Variants in FRMD4B observed in about 807,000 individuals in gnomAD.
FRMD4B encodes the protein FERM domain containing 4B.
Under a neutral mutation model 141.5 loss-of-function variants are expected in FRMD4B, and 74 were observed. The observed-to-expected ratio is 0.52, with a 90% CI of 0.43 to 0.63. The LOEUF (loss-of-function observed/expected upper bound fraction) is 0.63. Ranked by LOEUF, FRMD4B falls within the 30% of genes least tolerant of loss-of-function variation. The probability of loss-of-function intolerance (pLI) is 0.00; values close to 1 mark genes in which losing one functional copy is unlikely to be tolerated. For synonymous variants in FRMD4B, 506 were observed against 467.9 expected (o/e 1.08, Z -1.05); for missense variants, 1,366 against 1,253.4 (o/e 1.09, Z -1.36).
intron 1 of FRMD4B, among the ~76,000 whole-genome samples, chr3:69,479,636 A>AT (rs1349377865): frequency 6.6e-6 from 1 of 152,074 alleles, no homozygotes; most frequent in Non-Finnish European, 1.5e-5. Flanking sequence ...GGCTGCCCTT[A>AT]ACATTTTTTC....
At chr3:69,516,543 C>A (rs886981670) in intron 1 of FRMD4B, among the ~76,000 whole-genome samples, 1 of 152,202 alleles carries the variant, frequency 6.6e-6, no homozygotes, top group Non-Finnish European at 1.5e-5. Flanking sequence ...GGAACTTCCA[C>A]AAGGAATGCA....
At chr3:69,222,425 C>A (rs1373094494) in intron 8 of FRMD4B, among the ~76,000 whole-genome samples, 2 of 145,632 alleles carry the variant, frequency 1.4e-5, no homozygotes, top group African/African-American at 5.1e-5. Context: ...CGAGATTGAG[C>A]CATTGCACTC....
chr3:69,251,064 CATATT>C, intron 5 of FRMD4B, among the ~76,000 whole-genome samples: 1 of 152,086 alleles, frequency 6.6e-6, no homozygotes, highest in Non-Finnish European at 1.5e-5. Context: ...ATTACTAAAC[CATATT>C]ATAACAATGA....
intron 1 of FRMD4B, among the ~76,000 whole-genome samples, chr3:69,528,007 A>G (rs1052580222): frequency 6.6e-6 from 1 of 152,178 alleles, no homozygotes; most frequent in African/African-American, 2.4e-5. Context: ...GAAGAAAGCA[A>G]TTTGCATAAA....
intron 1 of FRMD4B, among the ~76,000 whole-genome samples, chr3:69,477,145 T>A (rs1409381214): frequency 2.0e-5 from 3 of 152,218 alleles, no homozygotes; most frequent in Non-Finnish European, 4.4e-5. Flanking sequence ...TCATGTCATC[T>A]GCAAACAGGG....
intron 1 of FRMD4B, among the ~76,000 whole-genome samples, chr3:69,323,565 A>C (rs1197502993): frequency 6.8e-6 from 1 of 147,644 alleles, no homozygotes; most frequent in East Asian, 2.0e-4. Context: ...ACTCTGTCTC[A>C]AAAAAACAAA....
chr3:69,348,946 T>C (rs1352362102), intron 1 of FRMD4B, among the ~76,000 whole-genome samples: 1 of 152,124 alleles, frequency 6.6e-6, no homozygotes, highest in Non-Finnish European at 1.5e-5. Flanking sequence ...CCACTCCTAT[T>C]CAACATAGTG....
At chr3:69,418,975 G>A (rs1704923567) in intron 2 of FRMD4B, among the ~76,000 whole-genome samples, 1 of 152,116 alleles carries the variant, frequency 6.6e-6, no homozygotes, top group African/African-American at 2.4e-5. Context: ...CAAGATATAA[G>A]GTAGAGAATG....
Position 69,453,613 on chromosome 3 carries a change from A to T in FRMD4B, c.-128-20852T>A, listed in dbSNP as rs1188723223. ...AGTTACAAGTTTAAAAAATCCCAGG[A>T]ATATTCCCAGTAGAAAACCAATCTC... On this transcript the variant is annotated intron_variant, in intron 1 of 5. Transcript: ENST00000459638. Among the ~76,000 whole-genome samples, 3 of 152,298 alleles carry T rather than the reference A, an allele frequency of 2.0e-5. No individual in the cohort carries two copies. In the East Asian group the frequency reaches 5.8e-4, roughly 29 times the overall value.
At position 69,456,412 on chromosome 3, in the gene FRMD4B, A is replaced by C. The variant is rs909780661; in HGVS notation, c.-128-23651T>G. ...CCTAAGGAAAAAATGATGGTTTTTC[A>C]TAAAGCCTTAGTCCCAAAAATGTTT... is the stretch of plus-strand genomic sequence containing the variant. On this transcript the variant is annotated intron_variant, in intron 1 of 5. Coordinates refer to the FRMD4B transcript ENST00000459638. Among the ~76,000 whole-genome samples, 13 of 152,228 alleles carry C rather than the reference A, an allele frequency of 8.5e-5. 1 individual carries two copies. Among genetic ancestry groups the C allele is most frequent in the African/African-American group, 3.1e-4 (13 of 41,466 alleles).
intron 5 of FRMD4B, among the ~76,000 whole-genome samples, chr3:69,260,441 C>G (rs986812692): frequency 6.6e-6 from 1 of 152,226 alleles, no homozygotes; most frequent in Non-Finnish European, 1.5e-5. Context: ...GAGGGTGCAC[C>G]GGGTCCCCCA....
chr3:69,239,457 A>C (rs979643117), intron 7 of FRMD4B, among the ~76,000 whole-genome samples: 3 of 152,172 alleles, frequency 2.0e-5, no homozygotes, highest in African/African-American at 7.2e-5. Context: ...AATGTGATGA[A>C]AGATTTTTCT....
intron 7 of FRMD4B, among the ~76,000 whole-genome samples, chr3:69,232,186 C>G (rs6802558): frequency 0.66 from 100,165 of 152,000 alleles, 34,177 homozygotes; most frequent in South Asian, 0.84. Flanking sequence ...CTAATGGCAA[C>G]GGATATGTTA....
chr3:69,280,747 A>T (rs963573409), intron 5 of FRMD4B, among the ~76,000 whole-genome samples: 3 of 151,966 alleles, frequency 2.0e-5, no homozygotes, highest in African/African-American at 7.3e-5. Flanking sequence ...CAGCCTCCCA[A>T]GTAGCTGGAC....
At chr3:69,406,835 ACTC>A (rs575342729) in intron 2 of FRMD4B, among the ~76,000 whole-genome samples, 99 of 150,028 alleles carry the variant, frequency 6.6e-4, no homozygotes, top group African/African-American at 2.3e-3. Flanking sequence ...TGGCTTAAGC[ACTC>A]CTCCTGCCTC....
At chr3:69,432,281 G>A (rs908567628) in intron 2 of FRMD4B, among the ~76,000 whole-genome samples, 6 of 152,150 alleles carry the variant, frequency 3.9e-5, no homozygotes, top group East Asian at 1.9e-4. Context: ...TTATAAATGC[G>A]TGTATAAATA....
rs144295171 is a variant in FRMD4B, at chr3:69,194,898, G to C, written c.1488+124C>G. ...AGAAAGAGTTCAATTTGGTCTACAC[G>C]ATCCATCTGTACTGGTGAGATAACA... On this transcript the variant is annotated intron_variant, in intron 16 of 22. Transcript: ENST00000398540. 3 of 795,930 alleles carry C rather than the reference G, an allele frequency of 3.8e-6. No homozygotes were observed. In the African/African-American group the frequency reaches 5.1e-5, roughly 14 times the overall value. 49.3% of individuals were successfully genotyped at this position (795,930 alleles called of 1,614,324 possible). A position where few individuals can be genotyped will look rare whatever the true frequency, so the allele number is the denominator to read the frequency against.
At chr3:69,530,255 G>A (rs1051795327) in intron 1 of FRMD4B, among the ~76,000 whole-genome samples, 2 of 152,250 alleles carry the variant, frequency 1.3e-5, no homozygotes, top group Non-Finnish European at 2.9e-5. Flanking sequence ...AATCCCTGAT[G>A]TTGGAGGTGG....
intron 4 of FRMD4B, among the ~76,000 whole-genome samples, chr3:69,298,059 T>A: frequency 6.6e-6 from 1 of 152,186 alleles, no homozygotes; most frequent in East Asian, 1.9e-4. Context: ...ATAAACCAGA[T>A]ATTTATTAAC....
Sources: gnomAD v4.1 joint callset for allele counts (sites outside exome capture counted in the v4.1 genomes callset) on GRCh38, gnomAD v4.1.1 for gene constraint, MANE v1.5 for transcripts, NCBI Gene and HGNC (gene_info 2026-07-23, HGNC 2026-07-21) for gene names.